Variants in BCKDHB observed in about 807,000 individuals in gnomAD.
BCKDHB encodes branched chain keto acid dehydrogenase E1 subunit beta, also known as 2-oxoisovalerate dehydrogenase subunit beta, mitochondrial.
Under a neutral mutation model 48.5 loss-of-function variants are expected in BCKDHB, and 41 were observed. The observed-to-expected ratio is 0.85, with a 90% CI of 0.66 to 1.10. The LOEUF is 1.10. Among genes scored for constraint, BCKDHB ranks in the 50% least tolerant of loss-of-function variants. The pLI, the probability that BCKDHB is intolerant of heterozygous loss-of-function variation, is 0.00. For missense variants in BCKDHB, 496 were observed against 494.2 expected (o/e 1.00, Z -0.03); for synonymous variants, 201 against 174.8 (o/e 1.15, Z -1.18).
At chr6:80,438,055 A>G in the BCKDHB span, among the ~76,000 whole-genome samples, 1 of 152,192 alleles carries the variant, frequency 6.6e-6, no homozygotes, top group African/African-American at 2.4e-5. Flanking sequence ...AACTCTTTAT[A>G]TCTGGGTCAA....
At chr6:80,138,988 T>C (rs1771041383) in intron 3 of BCKDHB, among the ~76,000 whole-genome samples, 1 of 152,170 alleles carries the variant, frequency 6.6e-6, no homozygotes, top group South Asian at 2.1e-4. Flanking sequence ...TTTTAATGAT[T>C]GCCATTCTAA....
At chr6:80,315,940 G>A (rs1042478643) in intron 9 of BCKDHB, among the ~76,000 whole-genome samples, 4 of 152,126 alleles carry the variant, frequency 2.6e-5, no homozygotes, top group Non-Finnish European at 4.4e-5. Flanking sequence ...TGTTTACACC[G>A]CAATTTAGAG....
chr6:80,413,359 T>A, the BCKDHB span, among the ~76,000 whole-genome samples: 8 of 152,314 alleles, frequency 5.3e-5, no homozygotes, highest in South Asian at 1.0e-3. Flanking sequence ...GGTAAACTTA[T>A]GTCATGGAGG....
chr6:80,251,957 A>G (rs933699159), intron 8 of BCKDHB, among the ~76,000 whole-genome samples: 10 of 152,232 alleles, frequency 6.6e-5, no homozygotes, highest in Non-Finnish European at 1.5e-4. Context: ...ATATGAGTTG[A>G]CACAGAAGAA....
At chr6:80,226,239 G>A (rs1317978383) in intron 8 of BCKDHB, among the ~76,000 whole-genome samples, 1 of 152,200 alleles carries the variant, frequency 6.6e-6, no homozygotes, top group Non-Finnish European at 1.5e-5. Flanking sequence ...GGGCTATTGA[G>A]AGATATTTAG....
At chr6:80,325,553 A>C (rs147282518) in intron 9 of BCKDHB, among the ~76,000 whole-genome samples, 1 of 152,228 alleles carries the variant, frequency 6.6e-6, no homozygotes, top group African/African-American at 2.4e-5. Context: ...GCCCATAACT[A>C]TTAATTTTAG....
At chr6:80,156,867 T>A (rs1195453138) in intron 3 of BCKDHB, among the ~76,000 whole-genome samples, 1 of 152,234 alleles carries the variant, frequency 6.6e-6, no homozygotes, top group Non-Finnish European at 1.5e-5. Context: ...TATGCCATAT[T>A]TTTTACTGTT....
chr6:80,174,511 C>T (rs73750072), intron 6 of BCKDHB, among the ~76,000 whole-genome samples: 3,012 of 152,036 alleles, frequency 0.02, 94 homozygotes, highest in African/African-American at 0.069. Context: ...TTTCATAGGC[C>T]ATGAATGGTA....
chr6:80,189,995 T>C (rs954893343), intron 6 of BCKDHB, among the ~76,000 whole-genome samples: 1 of 152,178 alleles, frequency 6.6e-6, no homozygotes, highest in Non-Finnish European at 1.5e-5. Context: ...TCATTTTTTG[T>C]AGTATTAATG....
chr6:80,358,478 G>A, the BCKDHB span, among the ~76,000 whole-genome samples: 11 of 151,934 alleles, frequency 7.2e-5, no homozygotes, highest in East Asian at 1.5e-3. Context: ...GTTTTTATTC[G>A]ACTGAGGCAT....
At chr6:80,388,485 A>C in the BCKDHB span, among the ~76,000 whole-genome samples, 11 of 152,190 alleles carry the variant, frequency 7.2e-5, no homozygotes, top group Non-Finnish European at 1.5e-4. Context: ...TCAAGTCTCC[A>C]TGTGACCTGA....
chr6:80,278,634 A>G (rs1485406851), intron 9 of BCKDHB, among the ~76,000 whole-genome samples: 1 of 151,920 alleles, frequency 6.6e-6, no homozygotes, highest in Non-Finnish European at 1.5e-5. Context: ...ATCTCAGCTC[A>G]CTGCAACCTC....
chr6:80,276,920 G>C (rs200604222), intron 9 of BCKDHB, among the ~76,000 whole-genome samples: 2 of 151,862 alleles, frequency 1.3e-5, no homozygotes, highest in Admixed American at 1.3e-4. Context: ...ATTTCTATTG[G>C]ATTTAATTTG....
intron 8 of BCKDHB, among the ~76,000 whole-genome samples, chr6:80,250,699 TA>T (rs1776803026): frequency 6.6e-6 from 1 of 152,044 alleles, no homozygotes; most frequent in African/African-American, 2.4e-5. Flanking sequence ...TTATACAACA[TA>T]GGGGGAAGAT....
intron 8 of BCKDHB, among the ~76,000 whole-genome samples, chr6:80,246,757 C>T (rs1045207341): frequency 6.6e-6 from 1 of 152,194 alleles, no homozygotes. Flanking sequence ...TGGAGACACC[C>T]CCTTAGTCTT....
chr6:80,349,352 G>C (rs1308820159), downstream of BCKDHB, among the ~76,000 whole-genome samples: 1 of 152,126 alleles, frequency 6.6e-6, no homozygotes, highest in Non-Finnish European at 1.5e-5. Flanking sequence ...TTACGGGCCG[G>C]GCACCGGGCT....
chr6:80,450,509 A>G, the BCKDHB span, among the ~76,000 whole-genome samples: 1 of 152,116 alleles, frequency 6.6e-6, no homozygotes, highest in Non-Finnish European at 1.5e-5. Flanking sequence ...ATTTGCATTT[A>G]AGGGCAAGAG....
intron 1 of BCKDHB, among the ~76,000 whole-genome samples, chr6:80,114,479 G>A (rs1446941325): frequency 1.3e-5 from 2 of 151,976 alleles, no homozygotes; most frequent in African/African-American, 4.8e-5. Context: ...GAACTCCTGG[G>A]CTCAAGCAGT....
intron 9 of BCKDHB, among the ~76,000 whole-genome samples, chr6:80,275,404 C>T (rs1422855323): frequency 6.6e-6 from 1 of 151,982 alleles, no homozygotes; most frequent in Admixed American, 6.6e-5. Context: ...AATTATTCAC[C>T]AGCTAACCAC....
Sources: allele counts gnomAD v4.1 joint callset (sites outside exome capture counted in the v4.1 genomes callset), GRCh38; gene constraint gnomAD v4.1.1; transcripts MANE v1.5; gene names NCBI Gene and HGNC (gene_info 2026-07-23, HGNC 2026-07-21).